The following FZR1 variants were observed in gnomAD, a reference collection of about 807,000 sequenced individuals.
FZR1 encodes fizzy-related protein homolog.
In FZR1, 11 loss-of-function variants were observed where a neutral mutation model predicts 63.6. The ratio of observed to expected loss-of-function variants is 0.17; its 90% CI spans 0.11 to 0.29. The LOEUF (loss-of-function observed/expected upper bound fraction) is 0.29, where lower values mean the gene tolerates loss of function less well. Ranked by LOEUF, FZR1 falls within the 10% of genes least tolerant of loss-of-function variation. The pLI is 1.00. For synonymous variants in FZR1, 328 were observed against 297.9 expected, an observed-to-expected ratio of 1.10 and a Z score of -1.04; for missense variants, 440 against 687.5, an observed-to-expected ratio of 0.64 and a Z score of 4.03.
chr19:3,527,652 C>G lies in FZR1; in HGVS notation c.492C>G (p.Pro164=). The G allele has an allele frequency of 6.2e-7, 1 of 1,610,330 alleles. No homozygotes were observed. The highest frequency in any genetic ancestry group is 8.5e-7 in the Non-Finnish European group (1 of 1,179,542). The change falls in exon 7 of 14, where the codon CCC becomes CCG. Residue 164 remains proline, a synonymous_variant. Coordinates refer to ENST00000441788, the MANE Select transcript of FZR1 (RefSeq NM_016263.4). The stretch of plus-strand genomic sequence containing the variant: ...GCAGCCAGAAGCTGCTCCGGTCCCC[C>G]CGGAAACCCACCCGCAAGATCTCCA... ...SNKSQKLLRS[P]RKPTRKISKI... is the part of the protein sequence containing the mutation.
chr19:3,518,256 T>C (rs2083073602), intron 1 of FZR1, among the ~76,000 whole-genome samples: 1 of 152,140 alleles, frequency 6.6e-6, no homozygotes, highest in Non-Finnish European at 1.5e-5. Flanking sequence ...TCAGGTGATC[T>C]GTCCACCTCA....
rs1046813171 is a variant in FZR1 at position 3,537,474 on chromosome 19, AAG to A, written c.*2642_*2643del. The A allele has an allele frequency of 2.0e-5, 3 of 152,438 alleles. No homozygotes were observed. Among genetic ancestry groups the A allele is most frequent in the African/African-American group, 7.2e-5 (3 of 41,574 alleles). 9.4% of individuals were successfully genotyped at this position (152,438 alleles called of 1,614,324 possible). ...AATGTAGCTGGTGCAGTGAGAGGGA[AAG>A]AGAATTGAAAAACTCAGGCTGCCAT... On this transcript the variant is annotated 3_prime_UTR_variant, in exon 14 of 14. Coordinates refer to ENST00000441788, the MANE Select transcript of FZR1 (RefSeq NM_016263.4).
In FZR1 at chr19:3,533,875, G is replaced by A. The variant is rs1459889854; in HGVS notation, c.1347+477G>A. ...GCGCATCTGACAGTCCCTCATCTGT[G>A]CAGAGTTGATGAGCCCCTCTTGCAA... is the stretch of plus-strand genomic sequence containing the variant. On this transcript the variant is annotated intron_variant, in intron 12 of 13. Transcript: ENST00000441788. The surrounding 1 kb of genome is among the most constrained non-coding windows in gnomAD (Gnocchi z 4.9). The A allele has an allele frequency of 5.9e-6, 1 of 168,222 alleles. No individual in the cohort carries two copies. The highest frequency in any genetic ancestry group is 1.3e-5 in the Non-Finnish European group (1 of 78,616). 10.4% of individuals were successfully genotyped at this position (168,222 alleles called of 1,614,324 possible).
chr19:3,531,887 C>G, intron 9 of FZR1, 24 bp from the exon 10 acceptor site: 1 of 1,578,638 alleles, frequency 6.3e-7, no homozygotes, highest in South Asian at 1.2e-5. Context: ...GAGAGGCTCA[C>G]CCCCGCTTCC....
At chr19:3,534,632 C>T in intron 13 of FZR1, 119 bp downstream of exon 13, 4 of 902,292 alleles carry the variant, frequency 4.4e-6, no homozygotes, top group Non-Finnish European at 7.1e-6. Context: ...GAGCTTCCCT[C>T]ACCTCAAATT....
At position 3,534,933 on chromosome 19, in the gene FZR1, C is replaced by T. The variant is rs745989149; in HGVS notation, c.*97C>T. ...CTCTGCCTTCCCAGCGCTTGTCCCC[C>T]GAGGAAGGCGGCTGGGCGGGCGGGG... On this transcript the variant is annotated 3_prime_UTR_variant, in exon 14 of 14. Transcript: ENST00000441788. 9.9e-6 allele frequency: 10 copies of T among 1,014,004 alleles called. No individual in the cohort carries two copies. The highest frequency in any genetic ancestry group is 3.8e-5 in the South Asian group (3 of 78,454). 62.8% of individuals were successfully genotyped at this position (1,014,004 alleles called of 1,614,324 possible). A position where few individuals can be genotyped will look rare whatever the true frequency, so the allele number is the denominator to read the frequency against.
chr19:3,534,115 G>A lies in FZR1; in HGVS notation c.1348-306G>A, dbSNP rs2083273884. On this transcript the variant is annotated intron_variant, in intron 12 of 13. Transcript: ENST00000441788. ...TGCACCTGTAGTCCCAGCTACTCAG[G>A]AGGCTGAGATGGGAGGATCACCTGA... Among the ~76,000 whole-genome samples the A allele has an allele frequency of 3.3e-5, 5 of 151,906 alleles. No homozygotes were observed. In the South Asian group the frequency reaches 8.3e-4, roughly 25 times the overall value.
rs147264072 is a variant in FZR1 at position 3,525,029 on chromosome 19, C to T, written c.70-839C>T. The stretch of plus-strand genomic sequence containing the variant: ...CAGACCCCTCATAGAAAAAAGACGG[C>T]GCGGGGACAGTCAGATGGGGTTGGA... On this transcript the variant is annotated intron_variant, in intron 2 of 13. Coordinates refer to ENST00000441788, the MANE Select transcript of FZR1 (RefSeq NM_016263.4). This position sits in a 1 kb window ranked among gnomAD's most constrained non-coding sequence, Gnocchi z 4.2. 5.1e-3 allele frequency among the ~76,000 whole-genome samples: 783 copies of T among 152,162 alleles called. 11 individuals are homozygous for T. Among genetic ancestry groups the T allele is most frequent in the African/African-American group, 0.018 (751 of 41,498 alleles).
intron 7 of FZR1, among the ~76,000 whole-genome samples, chr19:3,530,079 C>A (rs536211276): frequency 9.8e-6 from 1 of 101,886 alleles, no homozygotes; most frequent in Non-Finnish European, 2.0e-5. Flanking sequence ...GATGGGAGAG[C>A]GGATGGGAGA....
Position 3,531,325 on chromosome 19 carries a change from C to CTCCA in FZR1, c.721-382_721-379dup, listed in dbSNP as rs573042016. Among the ~76,000 whole-genome samples, 744 of 152,340 alleles carry CTCCA rather than the reference C, an allele frequency of 4.9e-3. 7 individuals carry two copies. Among genetic ancestry groups the CTCCA allele is most frequent in the African/African-American group, 0.017 (694 of 41,580 alleles). ...GTCCAGGCGTGTGCGCTCACCCTCCCTCCATCCATCTTAGGTTTTCATGTG... is the reference window on the plus strand; with the variant it reads ...GTCCAGGCGTGTGCGCTCACCCTCCCTCCATCCATCCATCTTAGGTTTTCATGTG... On this transcript the variant is annotated intron_variant, in intron 8 of 13. Coordinates refer to ENST00000441788, the MANE Select transcript of FZR1 (RefSeq NM_016263.4).
At position 3,526,362 on chromosome 19, in the gene FZR1, G is replaced by T. The variant is rs760425900; in HGVS notation, c.363G>T (p.Thr121=). The T allele has an allele frequency of 3.8e-6, 6 of 1,596,634 alleles. No individual in the cohort carries two copies. The highest frequency in any genetic ancestry group is 2.6e-6 in the Non-Finnish European group (3 of 1,172,982). ...AGGACCGCAGGCTGCAGCCCTCCAC[G>T]CCTGAGAAGAAGGGTCTGTTCACGG... ...QTEDRRLQPS[T]PEKKGLFTYS... Residue 121 remains threonine, a synonymous_variant, in exon 5 of 14, where the codon ACG becomes ACT. Coordinates refer to ENST00000441788, the MANE Select transcript of FZR1 (RefSeq NM_016263.4). This position sits in a 1 kb window ranked among gnomAD's most constrained non-coding sequence, Gnocchi z 5.4.
rs771517971 is a variant in FZR1 at position 3,532,410 on chromosome 19, C to T, written c.1009-7C>T. On this transcript the variant is annotated splice_polypyrimidine_tract_variant and splice_region_variant and intron_variant, in intron 10 of 13. Coordinates refer to ENST00000441788, the MANE Select transcript of FZR1 (RefSeq NM_016263.4). Reference sequence around the variant, plus strand: ...ACAGCCCCGGCCTCACAGCCCCTGTCCCCCAGCTGCTGGTCTGGAATCACT... The same window carrying T: ...ACAGCCCCGGCCTCACAGCCCCTGTTCCCCAGCTGCTGGTCTGGAATCACT... 7 of 1,586,086 alleles carry T rather than the reference C, an allele frequency of 4.4e-6. No individual in the cohort carries two copies. The highest frequency in any genetic ancestry group is 3.3e-5 in the South Asian group (3 of 89,604).
At chr19:3,511,029 CAG>C (rs1333282265) in intron 1 of FZR1, among the ~76,000 whole-genome samples, 2 of 152,242 alleles carry the variant, frequency 1.3e-5, no homozygotes, top group African/African-American at 4.8e-5. Flanking sequence ...ATGACACAGA[CAG>C]AGATGCAGAG....
Position 3,536,657 on chromosome 19 carries a change from T to G in FZR1, c.*1821T>G, listed in dbSNP as rs2029982824. The G allele has an allele frequency of 6.6e-6, 1 of 152,380 alleles. No individual in the cohort carries two copies. Among genetic ancestry groups the G allele is most frequent in the Admixed American group, 6.5e-5 (1 of 15,292 alleles). The allele number at this position is 152,380 out of a possible 1,614,324, so 9.4% of individuals were successfully genotyped here. On this transcript the variant is annotated 3_prime_UTR_variant, in exon 14 of 14. Transcript: ENST00000441788. Reference sequence around the variant, plus strand: ...GGCGTGAGGTTTGTGTTGGGGCTGGTTCTGCCCATGCTAGGGGGTGGGGGA... The same window carrying G: ...GGCGTGAGGTTTGTGTTGGGGCTGGGTCTGCCCATGCTAGGGGGTGGGGGA...
intron 1 of FZR1, among the ~76,000 whole-genome samples, chr19:3,512,133 C>T (rs2083028852): frequency 6.6e-6 from 1 of 152,186 alleles, no homozygotes; most frequent in African/African-American, 2.4e-5. Context: ...GACAGGAGGT[C>T]ACTGGGGCAG....
intron 1 of FZR1, among the ~76,000 whole-genome samples, chr19:3,506,926 G>C (rs1241765428): frequency 6.6e-6 from 1 of 152,118 alleles, no homozygotes; most frequent in Non-Finnish European, 1.5e-5. Context: ...CTCCCAGCTT[G>C]GGTCCTGCCC....
chr19:3,521,895 C>CT (rs1212084193), intron 1 of FZR1, among the ~76,000 whole-genome samples: 3 of 147,748 alleles, frequency 2.0e-5, no homozygotes, highest in African/African-American at 7.7e-5. Flanking sequence ...CTTGCTCTGT[C>CT]ACCCAGGCTG....
rs1041037038 is a variant in FZR1 at position 3,525,197 on chromosome 19, G to A, written c.70-671G>A. ...GAGACGGTGAATGCATGGCACCTGC[G>A]CAGCGTTGGGAGGGCAGTTGGGGTC... On this transcript the variant is annotated intron_variant, in intron 2 of 13. Coordinates refer to ENST00000441788, the MANE Select transcript of FZR1 (RefSeq NM_016263.4). This position sits in a 1 kb window ranked among gnomAD's most constrained non-coding sequence, Gnocchi z 4.2. 2.0e-5 allele frequency among the ~76,000 whole-genome samples: 3 copies of A among 152,218 alleles called. No homozygotes were observed. Among genetic ancestry groups the A allele is most frequent in the East Asian group, 1.9e-4 (1 of 5,152 alleles).
chr19:3,520,161 T>C (rs2083088803), intron 1 of FZR1, among the ~76,000 whole-genome samples: 1 of 152,222 alleles, frequency 6.6e-6, no homozygotes, highest in Non-Finnish European at 1.5e-5. Flanking sequence ...GGATGGCCAG[T>C]GCTGGCCCAG....
Sources: gnomAD v4.1 joint callset for allele counts (sites outside exome capture counted in the v4.1 genomes callset) on GRCh38, gnomAD v4.1.1 for gene constraint, Gnocchi (gnomAD v3.1) non-coding constraint, MANE v1.5 for transcripts, NCBI Gene and HGNC (gene_info 2026-07-23, HGNC 2026-07-21) for gene names.